The following CDKL1 variants were observed in gnomAD, a reference collection of about 807,000 sequenced individuals.
The protein encoded by CDKL1 is cyclin dependent kinase like 1, also known as cyclin-dependent kinase-like 1.
CDKL1 carries 41 observed loss-of-function variants against 42.0 expected under a neutral mutation model. The ratio of observed to expected loss-of-function variants is 0.98; its 90% CI spans 0.76 to 1.27. CDKL1 has a LOEUF of 1.27. Among genes scored for constraint, CDKL1 ranks in the 50% most tolerant of loss-of-function variants. CDKL1 has a pLI of 0.00. For missense variants in CDKL1, 394 were observed against 428.4 expected (o/e 0.92, Z 0.71); for synonymous variants, 153 against 158.6 (o/e 0.96, Z 0.26).
intron 3 of CDKL1, 78 bp downstream of exon 3, chr14:50,358,950 T>A: frequency 6.8e-7 from 1 of 1,474,510 alleles, no homozygotes; most frequent in Non-Finnish European, 9.4e-7. Flanking sequence ...TTACCTAGTC[T>A]TAAAAAGAGT....
chr14:50,347,884 T>C (rs2139417942), intron 3 of CDKL1, among the ~76,000 whole-genome samples: 1 of 152,082 alleles, frequency 6.6e-6, no homozygotes, highest in Admixed American at 6.5e-5. Context: ...GGCACCTGAG[T>C]TGAGAGCATC....
chr14:50,378,189 A>G (rs774214990), intron 2 of CDKL1: 1 of 1,366,366 alleles, frequency 7.3e-7, no homozygotes, highest in Non-Finnish European at 9.8e-7. Context: ...GCAGACCTTA[A>G]AAATCCCTCA....
At chr14:50,354,931 CAAATA>C (rs974821153) in intron 3 of CDKL1, among the ~76,000 whole-genome samples, 3 of 151,990 alleles carry the variant, frequency 2.0e-5, no homozygotes, top group Admixed American at 6.5e-5. Flanking sequence ...TATAAAAGCA[CAAATA>C]AAATGAAAAA....
intron 2 of CDKL1, among the ~76,000 whole-genome samples, chr14:50,379,052 A>G: frequency 6.6e-6 from 1 of 152,160 alleles, no homozygotes; most frequent in South Asian, 2.1e-4. Context: ...GCATTTCGCC[A>G]TGTTGGCCAG....
chr14:50,343,155 C>CTTTTTTTT (rs3049935), intron 4 of CDKL1: 9 of 293,982 alleles, frequency 3.1e-5, no homozygotes, highest in East Asian at 1.7e-4. Flanking sequence ...TTAAGAGTTA[C>CTTTTTTTT]TTTTTTTTTT....
chr14:50,380,075 T>C (rs779507527), intron 2 of CDKL1: 10 of 493,036 alleles, frequency 2.0e-5, no homozygotes, highest in African/African-American at 9.8e-5. Flanking sequence ...AAAATTGGCA[T>C]AGGTATGCTT....
chr14:50,385,640 C>T (rs1011737677), intron 2 of CDKL1, among the ~76,000 whole-genome samples: 1 of 151,860 alleles, frequency 6.6e-6, no homozygotes, highest in Non-Finnish European at 1.5e-5. Flanking sequence ...CCCATCTCTA[C>T]TAAAAATACA....
intron 7 of CDKL1, chr14:50,336,163 T>C (rs559608997): frequency 1.5e-6 from 2 of 1,364,084 alleles, no homozygotes; most frequent in Admixed American, 1.9e-5. Flanking sequence ...TGTGAGCGTT[T>C]CACAGCCCCA....
chr14:50,371,475 A>G (rs564133129), intron 2 of CDKL1, among the ~76,000 whole-genome samples: 9 of 152,344 alleles, frequency 5.9e-5, no homozygotes, highest in Admixed American at 5.9e-4. Flanking sequence ...CCTAATGATT[A>G]GAAATGTTGA....
At chr14:50,383,526 C>T (rs1292587538) in intron 2 of CDKL1, among the ~76,000 whole-genome samples, 7 of 146,000 alleles carry the variant, frequency 4.8e-5, no homozygotes, top group Non-Finnish European at 7.5e-5. Flanking sequence ...ACACTCCAGC[C>T]TGAGCAACAC....
intron 7 of CDKL1, chr14:50,335,665 C>G: frequency 6.7e-7 from 1 of 1,499,886 alleles, no homozygotes; most frequent in South Asian, 1.3e-5. Context: ...AAAATAAGAG[C>G]CAGCCAAGCT....
intron 1 of CDKL1, 174 bp downstream of exon 1, chr14:50,396,650 G>T: frequency 5.1e-6 from 1 of 197,944 alleles, no homozygotes; most frequent in Non-Finnish European, 9.1e-6. Flanking sequence ...TCCCCGCGGA[G>T]GCGGCGGCGA....
intron 2 of CDKL1, among the ~76,000 whole-genome samples, chr14:50,387,146 G>A (rs2035106789): frequency 6.6e-6 from 1 of 151,040 alleles, no homozygotes. Flanking sequence ...GATTGAGGCT[G>A]CGGTGAGCCA....
rs377330312 is a variant in CDKL1 at position 50,351,559 on chromosome 14, TC to T, written c.291-6502del. 1.7e-4 allele frequency among the ~76,000 whole-genome samples: 26 copies of T among 151,746 alleles called. No individual in the cohort carries two copies. In the South Asian group the frequency reaches 5.4e-3, roughly 32 times the overall value. On this transcript the variant is annotated intron_variant, in intron 3 of 9. Coordinates refer to ENST00000395834, the MANE Select transcript of CDKL1 (RefSeq NM_004196.7). ...GACCAGCCTGGGCAACATGGTGATA[TC>T]CCATCTCTACAAAAAATACAAAAAA...
At chr14:50,342,437 A>G (rs779764632) in intron 4 of CDKL1, 50 of 1,330,928 alleles carry the variant, frequency 3.8e-5, no homozygotes, top group Non-Finnish European at 4.8e-5. Context: ...AGAGCCAAGA[A>G]GAGTGAAAGG....
At chr14:50,360,054 C>T (rs904636694) in intron 2 of CDKL1, among the ~76,000 whole-genome samples, 10 of 152,274 alleles carry the variant, frequency 6.6e-5, no homozygotes, top group Non-Finnish European at 1.5e-4. Flanking sequence ...GTCCCTTTTA[C>T]CTACTGTTGT....
intron 4 of CDKL1, chr14:50,343,154 A>AT: frequency 1.5e-5 from 4 of 265,284 alleles, no homozygotes; most frequent in South Asian, 3.4e-5. Flanking sequence ...ATTAAGAGTT[A>AT]CTTTTTTTTT....
intron 2 of CDKL1, chr14:50,363,987 C>T (rs2034365563): frequency 6.6e-6 from 1 of 152,406 alleles, no homozygotes; most frequent in African/African-American, 2.4e-5. Context: ...GTTACTTTCT[C>T]TATTCAGCTT....
At chr14:50,340,961 C>G (rs535895015) in intron 6 of CDKL1, 71 bp downstream of exon 6, 1 of 1,548,328 alleles carries the variant, frequency 6.5e-7, no homozygotes, top group East Asian at 2.3e-5. Flanking sequence ...AGACTGAGAA[C>G]TTGGCTCTGC....
Sources: gnomAD v4.1 joint callset for allele counts (sites outside exome capture counted in the v4.1 genomes callset) on GRCh38, gnomAD v4.1.1 for gene constraint, MANE v1.5 for transcripts, NCBI Gene and HGNC (gene_info 2026-07-23, HGNC 2026-07-21) for gene names.